Variants in ZBTB20 observed in about 807,000 individuals in gnomAD.
The protein encoded by ZBTB20 is zinc finger and BTB domain containing 20, also known as zinc finger and BTB domain-containing protein 20.
A neutral mutation model predicts 56.9 loss-of-function variants in ZBTB20; 9 were observed. That is an observed-to-expected ratio of 0.16 (90% CI 0.10 to 0.28). ZBTB20 has a LOEUF of 0.28. ZBTB20 is among the 10% of genes least tolerant of loss of function. ZBTB20 has a pLI of 1.00. For synonymous variants in ZBTB20, 417 were observed against 420.7 expected (o/e 0.99, Z 0.11); for missense variants, 655 against 1,003.0 (o/e 0.65, Z 4.69).
At chr3:115,128,206 C>T (rs2084390038) in intron 1 of ZBTB20, among the ~76,000 whole-genome samples, 1 of 152,090 alleles carries the variant, frequency 6.6e-6, no homozygotes, top group Non-Finnish European at 1.5e-5. Context: ...ATCTCAATTG[C>T]TATTAATTTC....
intron 3 of ZBTB20, among the ~76,000 whole-genome samples, chr3:114,905,381 T>C (rs1328345925): frequency 1.3e-5 from 2 of 151,872 alleles, no homozygotes; most frequent in African/African-American, 4.8e-5. Flanking sequence ...TTAGATATTA[T>C]CTCCTCCAGA....
rs1365367270 is a variant in ZBTB20 at position 114,335,983 on chromosome 3, C to T, written c.*3022G>A. 6.6e-6 allele frequency: 1 copy of T among 152,308 alleles called. No homozygotes were observed. The highest frequency in any genetic ancestry group is 2.4e-5 in the African/African-American group (1 of 41,570). The allele number at this position is 152,308 out of a possible 1,614,324, so 9.4% of individuals were successfully genotyped here. A position where few individuals can be genotyped will look rare whatever the true frequency, so the allele number is the denominator to read the frequency against. On this transcript the variant is annotated 3_prime_UTR_variant, in exon 12 of 12. Transcript: ENST00000675478. ...TCAGCATTAAGGCAAATGGGTCTCT[C>T]TCAGATTTGAGAAACAGAAAGCTAC...
intron 4 of ZBTB20, among the ~76,000 whole-genome samples, chr3:114,853,050 C>T (rs762699650): frequency 6.6e-6 from 1 of 152,214 alleles, no homozygotes; most frequent in Non-Finnish European, 1.5e-5. Flanking sequence ...CCTTATTTCT[C>T]TTCTCCTGAA....
intron 10 of ZBTB20, among the ~76,000 whole-genome samples, chr3:114,361,267 T>C (rs2081847131): frequency 6.6e-6 from 1 of 152,248 alleles, no homozygotes; most frequent in Non-Finnish European, 1.5e-5. Context: ...TCTCTTCTGC[T>C]GAATTTTCCG....
chr3:114,615,421 G>A (rs576700677), intron 6 of ZBTB20, among the ~76,000 whole-genome samples: 2 of 152,276 alleles, frequency 1.3e-5, no homozygotes, highest in East Asian at 3.9e-4. Context: ...AAGTGAGCAT[G>A]GGTCAAGGCA....
chr3:114,446,574 T>C (rs2091284757), intron 7 of ZBTB20, among the ~76,000 whole-genome samples: 2 of 152,192 alleles, frequency 1.3e-5, no homozygotes, highest in Admixed American at 1.3e-4. Context: ...TCGAATTTAT[T>C]ACCCTGGACT....
chr3:115,061,208 A>G (rs935376365), intron 2 of ZBTB20, among the ~76,000 whole-genome samples: 26 of 152,144 alleles, frequency 1.7e-4, no homozygotes, highest in African/African-American at 6.3e-4. Flanking sequence ...GGTGATTATT[A>G]AATGAGAATA....
chr3:114,887,055 T>C (rs2076627821), intron 4 of ZBTB20, among the ~76,000 whole-genome samples: 1 of 152,162 alleles, frequency 6.6e-6, no homozygotes, highest in Non-Finnish European at 1.5e-5. Flanking sequence ...GGACATCACA[T>C]GGCAAGGGGG....
chr3:114,757,831 A>G (rs1160335258), intron 5 of ZBTB20, among the ~76,000 whole-genome samples: 1 of 152,116 alleles, frequency 6.6e-6, no homozygotes, highest in Admixed American at 6.6e-5. Context: ...ATATTTTAAA[A>G]TTCTGATTTT....
At chr3:114,857,734 C>G (rs1353076773) in intron 4 of ZBTB20, among the ~76,000 whole-genome samples, 2 of 152,164 alleles carry the variant, frequency 1.3e-5, no homozygotes, top group East Asian at 3.8e-4. Context: ...TGCCACTGTT[C>G]TTTATTATTT....
chr3:114,841,120 G>A (rs2074366407), intron 4 of ZBTB20, among the ~76,000 whole-genome samples: 1 of 151,988 alleles, frequency 6.6e-6, no homozygotes, highest in African/African-American at 2.4e-5. Context: ...CCTACCTTAA[G>A]GATAATTTAG....
Position 114,342,211 on chromosome 3 carries a change from T to A in ZBTB20, c.1805-2785A>T, listed in dbSNP as rs182084751. Among the ~76,000 whole-genome samples the A allele has an allele frequency of 4.4e-3, 674 of 152,096 alleles. 1 individual carries two copies. Among genetic ancestry groups the A allele is most frequent in the Non-Finnish European group, 7.6e-3 (517 of 67,966 alleles). ...AATGAATGATTGTGTTTTAAGAAAA[T>A]TTTTTTTCCCACTATTTTCTTGCAT... On this transcript the variant is annotated intron_variant, in intron 11 of 11. Transcript: ENST00000675478.
intron 7 of ZBTB20, among the ~76,000 whole-genome samples, chr3:114,475,530 G>GT (rs1222197420): frequency 2.0e-5 from 3 of 152,140 alleles, no homozygotes; most frequent in East Asian, 1.9e-4. Context: ...ATCAAAACAT[G>GT]TTTTTTTGTT....
intron 6 of ZBTB20, among the ~76,000 whole-genome samples, chr3:114,642,152 A>G (rs2059594388): frequency 6.6e-6 from 1 of 152,072 alleles, no homozygotes; most frequent in African/African-American, 2.4e-5. Context: ...GGGTAAAAAG[A>G]GGAGTGGCTG....
chr3:114,809,530 T>C (rs957285517), intron 4 of ZBTB20, among the ~76,000 whole-genome samples: 2 of 152,122 alleles, frequency 1.3e-5, no homozygotes, highest in Non-Finnish European at 2.9e-5. Flanking sequence ...AAATAACACT[T>C]ATGTTTATAT....
chr3:114,627,775 A>G (rs532220430), intron 6 of ZBTB20, among the ~76,000 whole-genome samples: 2 of 152,342 alleles, frequency 1.3e-5, no homozygotes, highest in Admixed American at 1.3e-4. Flanking sequence ...TCACAATGAC[A>G]AATCATCCGT....
intron 3 of ZBTB20, among the ~76,000 whole-genome samples, chr3:114,922,740 G>C (rs1338702447): frequency 6.6e-6 from 1 of 152,146 alleles, no homozygotes; most frequent in Non-Finnish European, 1.5e-5. Context: ...AGATTACAAG[G>C]CAAGAGAGAA....
chr3:114,751,035 C>T (rs1344163348), intron 5 of ZBTB20, among the ~76,000 whole-genome samples: 3 of 152,076 alleles, frequency 2.0e-5, no homozygotes, highest in Non-Finnish European at 2.9e-5. Context: ...CTAAAGCAAT[C>T]TTTTTATGAG....
At chr3:114,869,552 C>T (rs2075902513) in intron 4 of ZBTB20, among the ~76,000 whole-genome samples, 2 of 152,066 alleles carry the variant, frequency 1.3e-5, no homozygotes, top group Admixed American at 1.3e-4. Flanking sequence ...ATTCATCAGA[C>T]TTAAGGTGTT....
Sources: allele counts gnomAD v4.1 joint callset (sites outside exome capture counted in the v4.1 genomes callset), GRCh38; gene constraint gnomAD v4.1.1; transcripts MANE v1.5; gene names NCBI Gene and HGNC (gene_info 2026-07-23, HGNC 2026-07-21).